NRG3: variants seen among roughly 807,000 people sequenced by gnomAD.
NRG3 encodes neuregulin 3.
A neutral mutation model predicts 66.9 loss-of-function variants in NRG3; 31 were observed. The ratio of observed to expected loss-of-function variants is 0.46; its 90% confidence interval spans 0.35 to 0.63. NRG3 has a LOEUF of 0.63. NRG3 is among the 20% of genes least tolerant of loss of function. NRG3 has a pLI of 0.00. For missense variants in NRG3, 910 were observed against 878.9 expected, an observed-to-expected ratio of 1.04 and a Z score of -0.45; for synonymous variants, 393 against 359.4, an observed-to-expected ratio of 1.09 and a Z score of -1.06.
intron 1 of NRG3, among the ~76,000 whole-genome samples, chr10:81,934,198 C>G (rs1209936868): frequency 2.6e-5 from 4 of 152,162 alleles, no homozygotes; most frequent in Non-Finnish European, 5.9e-5. Context: ...GCAGATTATA[C>G]TGTTCATGGT....
At chr10:82,550,923 C>A (rs148903819) in intron 2 of NRG3, among the ~76,000 whole-genome samples, 2 of 152,076 alleles carry the variant, frequency 1.3e-5, no homozygotes, top group Admixed American at 6.6e-5. Flanking sequence ...TATTAGCATT[C>A]GGGTACTTGG....
intron 1 of NRG3, among the ~76,000 whole-genome samples, chr10:81,894,561 G>A (rs181690729): frequency 6.6e-6 from 1 of 152,108 alleles, no homozygotes; most frequent in African/African-American, 2.4e-5. Flanking sequence ...TAGAGTTTAC[G>A]GCCTCGACAT....
intron 6 of NRG3, among the ~76,000 whole-genome samples, chr10:82,965,797 G>A (rs1237663735): frequency 2.6e-5 from 4 of 151,972 alleles, no homozygotes; most frequent in African/African-American, 9.7e-5. Context: ...TATGATCATG[G>A]TCAGTCAGGC....
intron 1 of NRG3, among the ~76,000 whole-genome samples, chr10:82,101,241 A>G (rs2066707345): frequency 6.6e-6 from 1 of 151,736 alleles, no homozygotes; most frequent in African/African-American, 2.4e-5. Context: ...CTAGAGTTTC[A>G]TCAACTTTAT....
intron 2 of NRG3, among the ~76,000 whole-genome samples, chr10:82,611,256 C>A (rs553477608): frequency 6.6e-6 from 1 of 151,524 alleles, no homozygotes; most frequent in East Asian, 1.9e-4. Context: ...TTTTATTTTT[C>A]ATTTTTATTT....
chr10:82,623,596 C>T (rs983879362), intron 2 of NRG3, among the ~76,000 whole-genome samples: 2 of 152,152 alleles, frequency 1.3e-5, no homozygotes, highest in African/African-American at 4.8e-5. Context: ...CTAGAGTTTT[C>T]AGCCAAATTG....
At chr10:82,917,283 G>T (rs1224853656) in intron 4 of NRG3, among the ~76,000 whole-genome samples, 2 of 152,162 alleles carry the variant, frequency 1.3e-5, no homozygotes, top group Non-Finnish European at 2.9e-5. Context: ...CCCTAGCTCA[G>T]GTTATGGTCT....
intron 1 of NRG3, among the ~76,000 whole-genome samples, chr10:82,164,143 A>C (rs2071841366): frequency 6.6e-6 from 1 of 151,880 alleles, no homozygotes; most frequent in African/African-American, 2.4e-5. Context: ...CTGGTCTCGA[A>C]CTCCTAACAG....
rs73306165 is a variant in NRG3, at chr10:82,415,031, C to G, written c.953+56163C>G. On this transcript the variant is annotated intron_variant, in intron 2 of 8. Coordinates refer to ENST00000372141, the MANE Select transcript of NRG3 (RefSeq NM_001010848.4). ...TCAACTCTATAAAATACCTTATTAG[C>G]AACATCAAAACTACTATTTCACCAA... Among the ~76,000 whole-genome samples the G allele has an allele frequency of 5.5e-3, 839 of 152,264 alleles. 8 individuals are homozygous for G. Among genetic ancestry groups the G allele is most frequent in the African/African-American group, 0.02 (815 of 41,562 alleles).
At chr10:82,190,307 T>A (rs1466338249) in intron 1 of NRG3, among the ~76,000 whole-genome samples, 2 of 151,960 alleles carry the variant, frequency 1.3e-5, no homozygotes, top group African/African-American at 4.8e-5. Flanking sequence ...AAAAAAAAAA[T>A]TCAAATTTAG....
At chr10:82,121,655 T>C (rs2068099183) in intron 1 of NRG3, among the ~76,000 whole-genome samples, 1 of 152,110 alleles carries the variant, frequency 6.6e-6, no homozygotes, top group Non-Finnish European at 1.5e-5. Flanking sequence ...TATTTTGTTT[T>C]GTTTTTGAGA....
Position 82,895,486 on chromosome 10 carries a change from C to CTTTTTT in NRG3, c.1054+30061_1054+30066dup, listed in dbSNP as rs57655284. Among the ~76,000 whole-genome samples, 3 of 128,338 alleles carry CTTTTTT rather than the reference C, an allele frequency of 2.3e-5. 1 individual carries two copies. The highest frequency in any genetic ancestry group is 1.6e-5 in the Non-Finnish European group (1 of 62,904). The allele number at this position is 128,338 out of a possible 152,430, so 84.2% of individuals were successfully genotyped here. On this transcript the variant is annotated intron_variant, in intron 4 of 8. Coordinates refer to ENST00000372141, the MANE Select transcript of NRG3 (RefSeq NM_001010848.4). ...AAAGACAATCCAGCACAATAACATT[C>CTTTTTT]TTTTTTTTTTTTTTTTTGAGACAGA...
chr10:82,178,905 A>C (rs992696912), intron 1 of NRG3, among the ~76,000 whole-genome samples: 7 of 151,974 alleles, frequency 4.6e-5, no homozygotes, highest in African/African-American at 1.7e-4. Context: ...GTTTTTCTTT[A>C]TCTTTGTAAA....
At chr10:82,080,575 C>G (rs553631550) in intron 1 of NRG3, among the ~76,000 whole-genome samples, 2 of 152,230 alleles carry the variant, frequency 1.3e-5, no homozygotes, top group South Asian at 4.2e-4. Context: ...TGTCCCATCT[C>G]TTGCCAAATG....
At chr10:82,654,248 A>C (rs1027747693) in intron 2 of NRG3, among the ~76,000 whole-genome samples, 1 of 152,158 alleles carries the variant, frequency 6.6e-6, no homozygotes, top group African/African-American at 2.4e-5. Flanking sequence ...CAAGAATTTT[A>C]TCTCTCATTG....
intron 1 of NRG3, among the ~76,000 whole-genome samples, chr10:82,197,172 A>C (rs570815708): frequency 6.6e-6 from 1 of 152,322 alleles, no homozygotes; most frequent in African/African-American, 2.4e-5. Context: ...GGGAGGCAGA[A>C]ACTTCATTGA....
intron 1 of NRG3, among the ~76,000 whole-genome samples, chr10:82,222,819 G>C (rs1378068229): frequency 6.6e-6 from 1 of 152,068 alleles, no homozygotes; most frequent in Non-Finnish European, 1.5e-5. Context: ...GCCCCAATGT[G>C]GATTTCTAGT....
chr10:82,360,796 G>A (rs919241104), intron 2 of NRG3, among the ~76,000 whole-genome samples: 2 of 152,092 alleles, frequency 1.3e-5, no homozygotes, highest in Admixed American at 6.5e-5. Flanking sequence ...TGGTCAAGGA[G>A]ATGTACCTTA....
chr10:81,926,416 C>A (rs1172136227), intron 1 of NRG3, among the ~76,000 whole-genome samples: 1 of 152,124 alleles, frequency 6.6e-6, no homozygotes, highest in Non-Finnish European at 1.5e-5. Context: ...CCACCATGCC[C>A]AGCCCATAAT....
Sources: allele counts gnomAD v4.1 joint callset (sites outside exome capture counted in the v4.1 genomes callset), GRCh38; gene constraint gnomAD v4.1.1; transcripts MANE v1.5; gene names NCBI Gene and HGNC (gene_info 2026-07-23, HGNC 2026-07-21).